ITPR2: variants seen among roughly 807,000 people sequenced by gnomAD.
ITPR2 encodes inositol 1,4,5-trisphosphate receptor type 2.
ITPR2 carries 207 observed loss-of-function variants against 317.1 expected under a neutral mutation model. That is an observed-to-expected ratio of 0.65 (90% CI 0.58 to 0.73). The LOEUF (loss-of-function observed/expected upper bound fraction) is 0.73, where lower values mean the gene tolerates loss of function less well. Ranked by LOEUF, ITPR2 falls within the 30% of genes least tolerant of loss-of-function variation. The probability of loss-of-function intolerance (pLI) is 0.00; values close to 1 mark genes in which losing one functional copy is unlikely to be tolerated. For missense variants in ITPR2, 2,613 were observed against 3,284.0 expected (o/e 0.80, Z 4.99); for synonymous variants, 1,156 against 1,149.1 (o/e 1.01, Z -0.12).
chr12:26,725,572 C>A, intron 3 of ITPR2, 78 bp downstream of exon 3: 1 of 945,166 alleles, frequency 1.1e-6, no homozygotes, highest in Non-Finnish European at 1.7e-6. Flanking sequence ...AAGGACAAAG[C>A]TAGAAAGCTC....
chr12:26,766,591 G>A (rs764184965), intron 2 of ITPR2, among the ~76,000 whole-genome samples: 1 of 152,042 alleles, frequency 6.6e-6, no homozygotes, highest in Non-Finnish European at 1.5e-5. Context: ...TCTTGATGGT[G>A]TCCTTTGAAG....
At chr12:26,718,526 A>AAT (rs2137036849) in intron 5 of ITPR2, among the ~76,000 whole-genome samples, 1 of 145,212 alleles carries the variant, frequency 6.9e-6, no homozygotes, top group South Asian at 2.1e-4. Flanking sequence ...TAAGGTTTTA[A>AAT]ATATATATAT....
intron 2 of ITPR2, among the ~76,000 whole-genome samples, chr12:26,787,600 C>T (rs887566349): frequency 2.6e-5 from 4 of 152,154 alleles, no homozygotes; most frequent in Non-Finnish European, 4.4e-5. Flanking sequence ...ACCCATGAAG[C>T]GTAAATGTTT....
chr12:26,509,224 G>A (rs1943266222), intron 37 of ITPR2, among the ~76,000 whole-genome samples: 1 of 152,192 alleles, frequency 6.6e-6, no homozygotes, highest in South Asian at 2.1e-4. Flanking sequence ...AAAATAGATA[G>A]CCAAGGGCTG....
chr12:26,515,848 G>A (rs1156961259), intron 37 of ITPR2, among the ~76,000 whole-genome samples: 1 of 151,922 alleles, frequency 6.6e-6, no homozygotes, highest in Non-Finnish European at 1.5e-5. Context: ...GGTGGCTCAT[G>A]CCTGTAATCC....
Position 26,782,280 on chromosome 12 carries a change from T to C in ITPR2, c.163+7877A>G, listed in dbSNP as rs79728324. 3.7e-3 allele frequency among the ~76,000 whole-genome samples: 556 copies of C among 151,750 alleles called. 3 individuals are homozygous for C. Among genetic ancestry groups the C allele is most frequent in the African/African-American group, 0.013 (521 of 41,358 alleles). ...CAAATGCACTATGTTCAGTTCTTTA[T>C]ACACAGCTCAGAATTAAATTGACAA... On this transcript the variant is annotated intron_variant, in intron 2 of 56. Transcript: ENST00000381340.
chr12:26,456,927 C>G (rs2136773464), intron 45 of ITPR2, among the ~76,000 whole-genome samples: 2 of 152,278 alleles, frequency 1.3e-5, no homozygotes, highest in East Asian at 3.9e-4. Context: ...CTGCCTCGGC[C>G]TCCCAAAGTG....
At chr12:26,554,803 T>A (rs77469899) in intron 36 of ITPR2, among the ~76,000 whole-genome samples, 7,772 of 152,232 alleles carry the variant, frequency 0.051, 206 homozygotes, top group Middle Eastern at 0.11. Flanking sequence ...TTCTTATGTT[T>A]AGATCTGTAA....
chr12:26,722,783 G>C (rs1344965397), intron 4 of ITPR2, among the ~76,000 whole-genome samples: 1 of 151,104 alleles, frequency 6.6e-6, no homozygotes, highest in Non-Finnish European at 1.5e-5. Context: ...GGCATAATAG[G>C]GAAAAAAAAA....
chr12:26,554,511 A>C (rs1176435643), intron 36 of ITPR2, among the ~76,000 whole-genome samples: 1 of 152,204 alleles, frequency 6.6e-6, no homozygotes, highest in Non-Finnish European at 1.5e-5. Context: ...GCATGAAAGC[A>C]GCCACAGACA....
At chr12:26,575,940 C>A (rs1311516695) in intron 34 of ITPR2, among the ~76,000 whole-genome samples, 1 of 152,116 alleles carries the variant, frequency 6.6e-6, no homozygotes, top group African/African-American at 2.4e-5. Flanking sequence ...GTAGGGCCAA[C>A]TGGTATTTCC....
chr12:26,545,108 C>T (rs1402676931), intron 37 of ITPR2, among the ~76,000 whole-genome samples: 6 of 152,134 alleles, frequency 3.9e-5, no homozygotes, highest in Non-Finnish European at 1.5e-5. Flanking sequence ...GATGTTATTT[C>T]TCACTGTCAA....
chr12:26,717,247 G>A lies in ITPR2; in HGVS notation c.526-1005C>T, dbSNP rs180697446. 1.8e-4 allele frequency among the ~76,000 whole-genome samples: 27 copies of A among 152,188 alleles called. No homozygotes were observed. The East Asian group carries it at 2.3e-3, about 13-fold the overall frequency. On this transcript the variant is annotated intron_variant, in intron 5 of 56. Transcript: ENST00000381340. ...TGATAAAACAAATCAGGATTCAGTC[G>A]ATATGAATAAACAGAACTTCTCCAT...
intron 39 of ITPR2, 24 bp downstream of exon 39, chr12:26,494,129 T>C: frequency 1.3e-6 from 2 of 1,544,176 alleles, no homozygotes; most frequent in Non-Finnish European, 1.8e-6. Context: ...ATAAATGTAA[T>C]CCCCATGATT....
intron 3 of ITPR2, among the ~76,000 whole-genome samples, chr12:26,725,146 A>G (rs746315299): frequency 2.0e-5 from 3 of 152,180 alleles, no homozygotes; most frequent in Non-Finnish European, 4.4e-5. Context: ...AAGAAGGTAT[A>G]TTGCTAGAAA....
intron 32 of ITPR2, among the ~76,000 whole-genome samples, chr12:26,583,806 C>G (rs192915365): frequency 6.6e-6 from 1 of 152,206 alleles, no homozygotes; most frequent in Non-Finnish European, 1.5e-5. Context: ...TTTAACCTAA[C>G]TCCACAGAAT....
At chr12:26,415,579 C>T (rs1452421198) in intron 50 of ITPR2, 81 bp from the exon 51 acceptor site, 1 of 980,566 alleles carries the variant, frequency 1.0e-6, no homozygotes, top group Non-Finnish European at 1.5e-6. Flanking sequence ...ATTACAAATA[C>T]AAATGCAAGC....
chr12:26,634,566 A>G (rs1946824300), intron 21 of ITPR2, among the ~76,000 whole-genome samples: 1 of 152,144 alleles, frequency 6.6e-6, no homozygotes, highest in Non-Finnish European at 1.5e-5. Flanking sequence ...AAAATATGGA[A>G]GTCATCTTTG....
chr12:26,687,264 G>T (rs1337306475), intron 10 of ITPR2, among the ~76,000 whole-genome samples: 2 of 152,186 alleles, frequency 1.3e-5, no homozygotes, highest in Non-Finnish European at 2.9e-5. Flanking sequence ...AGATTAATGA[G>T]TATGTGTTTT....
Sources: allele counts gnomAD v4.1 joint callset (sites outside exome capture counted in the v4.1 genomes callset), GRCh38; gene constraint gnomAD v4.1.1; transcripts MANE v1.5; gene names NCBI Gene and HGNC (gene_info 2026-07-23, HGNC 2026-07-21).